The following EFCAB8 variants were observed in gnomAD, a reference collection of about 807,000 sequenced individuals.
EFCAB8 encodes EF-hand calcium binding domain 8.
In EFCAB8, 100 loss-of-function variants were observed where a neutral mutation model predicts 116.3. The ratio of observed to expected loss-of-function variants is 0.86; its 90% CI spans 0.73 to 1.02. The LOEUF is 1.02. Ranked by LOEUF, EFCAB8 falls within the 50% of genes least tolerant of loss-of-function variation. EFCAB8 has a pLI of 0.00. For missense variants in EFCAB8, 1,320 were observed against 1,416.9 expected (o/e 0.93, Z 1.10); for synonymous variants, 558 against 567.9 (o/e 0.98, Z 0.25).
At chr20:32,940,023 C>CCTTCCTTCCTTCCTT in intron 22 of EFCAB8, among the ~76,000 whole-genome samples, 1 of 56,124 alleles carries the variant, frequency 1.8e-5, no homozygotes, top group East Asian at 4.6e-4. Flanking sequence ...CTCCCTCCCT[C>CCTTCCTTCCTTCCTT]CCTTCCTTCC....
chr20:32,876,287 G>A (rs1047189924), intron 4 of EFCAB8, among the ~76,000 whole-genome samples: 2 of 152,200 alleles, frequency 1.3e-5, no homozygotes, highest in African/African-American at 2.4e-5. Context: ...GACCTACTGA[G>A]TGTGCAGCGG....
rs78806222 is a variant in EFCAB8 at position 32,906,354 on chromosome 20, C to T, written c.1089-208C>T. Among the ~76,000 whole-genome samples, 29 of 152,142 alleles carry T rather than the reference C, an allele frequency of 1.9e-4. No homozygotes were observed. In the East Asian group the frequency reaches 4.9e-3, roughly 25 times the overall value. Reference sequence around the variant, plus strand: ...GGGCCAGGACTGGGCTGCTGCTTTGCCTGTGGTGCTGAGCCCTGACTTGGC... The same window carrying T: ...GGGCCAGGACTGGGCTGCTGCTTTGTCTGTGGTGCTGAGCCCTGACTTGGC... On this transcript the variant is annotated intron_variant, in intron 11 of 26. Transcript: ENST00000400522.
At position 32,917,614 on chromosome 20, in the gene EFCAB8, C is replaced by T. The variant is rs923026377; in HGVS notation, c.2061+109C>T. ...CCCTGGGAAGCAGGAGGGATGATGG[C>T]GACTTGTTCTGGATGGGGTGGGGAG... On this transcript the variant is annotated intron_variant, in intron 18 of 26. Coordinates refer to ENST00000400522, the MANE Select transcript of EFCAB8 (RefSeq NM_001143967.2). The T allele has an allele frequency of 2.3e-5, 29 of 1,273,694 alleles. No individual in the cohort carries two copies. In the South Asian group the frequency reaches 3.2e-4, roughly 14 times the overall value. The allele number at this position is 1,273,694 out of a possible 1,614,324, so 78.9% of individuals were successfully genotyped here. A position where few individuals can be genotyped will look rare whatever the true frequency, so the allele number is the denominator to read the frequency against.
chr20:32,879,801 TC>T (rs1314010495), intron 5 of EFCAB8, among the ~76,000 whole-genome samples: 1 of 152,162 alleles, frequency 6.6e-6, no homozygotes, highest in Non-Finnish European at 1.5e-5. Context: ...AGACAGTCCT[TC>T]CTGAACATAC....
chr20:32,889,032 C>T (rs976051542), intron 6 of EFCAB8, among the ~76,000 whole-genome samples: 4 of 151,936 alleles, frequency 2.6e-5, no homozygotes, highest in Non-Finnish European at 4.4e-5. Context: ...CGGCTCACTG[C>T]GGCAAGACTT....
rs1402561066 is a variant in EFCAB8 at position 32,919,993 on chromosome 20, T to A, written c.2275-85T>A. Reference sequence around the variant, plus strand: ...CTGCGGGGGCTTGGGAGTGCCGCTCTTTTATCATCTTCCTCTGGTCTCTGG... The same window carrying A: ...CTGCGGGGGCTTGGGAGTGCCGCTCATTTATCATCTTCCTCTGGTCTCTGG... On this transcript the variant is annotated intron_variant, in intron 19 of 26. Coordinates refer to ENST00000400522, the MANE Select transcript of EFCAB8 (RefSeq NM_001143967.2). 6 of 1,535,318 alleles carry A rather than the reference T, an allele frequency of 3.9e-6. No individual in the cohort carries two copies. In the East Asian group the frequency reaches 1.5e-4, roughly 38 times the overall value.
chr20:32,889,466 C>T (rs1600388097), intron 7 of EFCAB8, 60 bp downstream of exon 7: 4 of 1,480,752 alleles, frequency 2.7e-6, no homozygotes, highest in Admixed American at 2.0e-5. Context: ...GCATTTGTGC[C>T]TGGGAGAAGT....
chr20:32,908,294 T>C lies in EFCAB8; in HGVS notation c.1328T>C (p.Met443Thr). The C allele has an allele frequency of 8.0e-7, 1 of 1,249,920 alleles. No homozygotes were observed. Among genetic ancestry groups the C allele is most frequent in the Non-Finnish European group, 1.0e-6 (1 of 988,266 alleles). The allele number at this position is 1,249,920 out of a possible 1,614,324, so 77.4% of individuals were successfully genotyped here. The change falls in exon 14 of 27, where the codon ATG becomes ACG. Residue 443 changes from methionine to threonine, a missense_variant. Physicochemically the swap from Met to Thr is moderately conservative, Grantham distance 81. Transcript: ENST00000400522. Reference sequence around the variant, plus strand: ...CCCCAGAATATTCGCGTGTGGGACATGCTGGACTACATATGCCTCCAGTCC... The same window carrying C: ...CCCCAGAATATTCGCGTGTGGGACACGCTGGACTACATATGCCTCCAGTCC... ...SKDKNIRVWD[M>T]LDYICLQSFC...
chr20:32,958,175 C>T (rs1989031124), intron 23 of EFCAB8, among the ~76,000 whole-genome samples: 1 of 152,160 alleles, frequency 6.6e-6, no homozygotes, highest in African/African-American at 2.4e-5. Flanking sequence ...TCTCAGTTCA[C>T]ATGTGGGGCA....
At position 32,885,499 on chromosome 20, in the gene EFCAB8, C is replaced by T; in HGVS notation, c.432-6C>T. The T allele has an allele frequency of 6.4e-7, 1 of 1,551,754 alleles. No homozygotes were observed. Among genetic ancestry groups the T allele is most frequent in the East Asian group, 2.4e-5 (1 of 40,920 alleles). ...GGGCTCTTCTCTCTTTCATCGCCTC[C>T]CACAGGAACCATGGCTGTGAGGTGG... On this transcript the variant is annotated splice_region_variant and splice_polypyrimidine_tract_variant and intron_variant, in intron 5 of 26. Transcript: ENST00000400522.
chr20:32,866,460 A>G (rs532256653), intron 2 of EFCAB8, among the ~76,000 whole-genome samples: 2 of 150,956 alleles, frequency 1.3e-5, no homozygotes, highest in Non-Finnish European at 2.9e-5. Context: ...TATGCTAAGT[A>G]TCTGTATCAG....
intron 22 of EFCAB8, among the ~76,000 whole-genome samples, chr20:32,940,452 A>T (rs1327595793): frequency 6.7e-6 from 1 of 149,864 alleles, no homozygotes; most frequent in Non-Finnish European, 1.5e-5. Flanking sequence ...TCATAGACCT[A>T]AATGTAAGAG....
At chr20:32,960,266 G>C (rs1989107694) in intron 26 of EFCAB8, 105 bp downstream of exon 26, 1 of 1,044,824 alleles carries the variant, frequency 9.6e-7, no homozygotes, top group East Asian at 2.6e-5. Context: ...CAGTGAGGGT[G>C]GACAGGAGCC....
At chr20:32,944,070 AT>A (rs1284891773) in intron 23 of EFCAB8, among the ~76,000 whole-genome samples, 1 of 152,240 alleles carries the variant, frequency 6.6e-6, no homozygotes, top group East Asian at 1.9e-4. Context: ...CTTTTAAAAA[AT>A]AAACTTAATT....
chr20:32,896,282 G>A (rs1342552104), intron 9 of EFCAB8, among the ~76,000 whole-genome samples, 172 bp from the exon 10 acceptor site: 2 of 152,150 alleles, frequency 1.3e-5, no homozygotes, highest in Non-Finnish European at 2.9e-5. Context: ...CTGGGGTGGG[G>A]GCACTCCGCT....
intron 22 of EFCAB8, among the ~76,000 whole-genome samples, chr20:32,937,041 T>C (rs2146282979): frequency 6.6e-6 from 1 of 152,090 alleles, no homozygotes; most frequent in South Asian, 2.1e-4. Context: ...CTAAGTATTT[T>C]ATTTTATTTT....
At chr20:32,927,356 T>A (rs190860679) in intron 20 of EFCAB8, among the ~76,000 whole-genome samples, 1 of 152,044 alleles carries the variant, frequency 6.6e-6, no homozygotes, top group Non-Finnish European at 1.5e-5. Context: ...TAATTTAAAA[T>A]TTTTTTGAGA....
rs763888130 is a variant in EFCAB8 at position 32,930,436 on chromosome 20, G to A, written c.2451G>A (p.Thr817=). The A allele has an allele frequency of 1.2e-4, 188 of 1,551,546 alleles. No individual in the cohort carries two copies. The highest frequency in any genetic ancestry group is 1.6e-4 in the Non-Finnish European group (178 of 1,147,026). The part of the protein sequence containing the change: ...FLQTRPRLPH[T]AALLSSCMDG... ...AGACCAGGCCTCGCCTGCCGCACAC[G>A]GCTGCCCTGCTGAGCAGCTGCATGG... Residue 817 remains threonine, a synonymous_variant, in exon 21 of 27, where the codon ACG becomes ACA. Coordinates refer to ENST00000400522, the MANE Select transcript of EFCAB8 (RefSeq NM_001143967.2).
chr20:32,873,418 G>T (rs1984787008), intron 3 of EFCAB8, among the ~76,000 whole-genome samples: 1 of 151,552 alleles, frequency 6.6e-6, no homozygotes, highest in Non-Finnish European at 1.5e-5. Flanking sequence ...TAAAAAAAAA[G>T]TTGTAGACAG....
Sources: gnomAD v4.1 joint callset for allele counts (sites outside exome capture counted in the v4.1 genomes callset) on GRCh38, gnomAD v4.1.1 for gene constraint, MANE v1.5 for transcripts, NCBI Gene and HGNC (gene_info 2026-07-23, HGNC 2026-07-21) for gene names.